The following FAT3 variants were observed in gnomAD, a reference collection of about 807,000 sequenced individuals.
FAT3 encodes FAT atypical cadherin 3.
Under a neutral mutation model 310.2 loss-of-function variants are expected in FAT3, and 95 were observed. That is an observed-to-expected ratio of 0.31 (90% confidence interval 0.26 to 0.36). FAT3 has a LOEUF of 0.36. FAT3 is among the 10% of genes least tolerant of loss of function. The pLI is 1.00. For missense variants in FAT3, 5,408 were observed against 5,715.6 expected (o/e 0.95, Z 1.74); for synonymous variants, 2,314 against 2,192.9 (o/e 1.06, Z -1.54).
At chr11:92,655,509 ACT>A (rs555683126) in intron 3 of FAT3, among the ~76,000 whole-genome samples, 158 of 152,174 alleles carry the variant, frequency 1.0e-3, no homozygotes, top group African/African-American at 3.5e-3. Flanking sequence ...ATTACATAAA[ACT>A]CTCAGTAAAA....
Position 92,754,627 on chromosome 11 carries a change from C to CAAAAAAAAAAAAAAAAAAAA in FAT3, c.3670-7211_3670-7210insAAAAAAAAAAAAAAAAAAAA, listed in dbSNP as rs71064722. On this transcript the variant is annotated intron_variant, in intron 4 of 27. Coordinates refer to ENST00000525166, the MANE Select transcript of FAT3 (RefSeq NM_001367949.2). Reference sequence around the variant, plus strand: ...TGGGCGACAGAGGAAGACTCTGCCTCAAAAAAAAAAAAAAAAAAGGAGATA... The same window carrying CAAAAAAAAAAAAAAAAAAAA: ...TGGGCGACAGAGGAAGACTCTGCCTCAAAAAAAAAAAAAAAAAAAAAAAAAAAAAAAAAAAAAAGGAGATA... 4.9e-3 allele frequency among the ~76,000 whole-genome samples: 159 copies of CAAAAAAAAAAAAAAAAAAAA among 32,670 alleles called. 26 individuals are homozygous for CAAAAAAAAAAAAAAAAAAAA. Among genetic ancestry groups the CAAAAAAAAAAAAAAAAAAAA allele is most frequent in the Middle Eastern group, 0.023 (1 of 44 alleles). 21.4% of individuals were successfully genotyped at this position (32,670 alleles called of 152,430 possible). A position where few individuals can be genotyped will look rare whatever the true frequency, so the allele number is the denominator to read the frequency against.
chr11:92,490,779 C>T (rs1483657304), intron 2 of FAT3, among the ~76,000 whole-genome samples: 2 of 152,086 alleles, frequency 1.3e-5, no homozygotes, highest in Non-Finnish European at 1.5e-5. Flanking sequence ...AACATTTTCT[C>T]ACACATTAGC....
At chr11:92,389,926 A>G (rs1409114016) in intron 2 of FAT3, among the ~76,000 whole-genome samples, 1 of 152,120 alleles carries the variant, frequency 6.6e-6, no homozygotes, top group Non-Finnish European at 1.5e-5. Context: ...TCTTCACATT[A>G]CCTTGTGGAA....
At chr11:92,248,961 A>T (rs1201344601) in intron 1 of FAT3, among the ~76,000 whole-genome samples, 1 of 152,128 alleles carries the variant, frequency 6.6e-6, no homozygotes, top group Non-Finnish European at 1.5e-5. Flanking sequence ...GAGAAAGTGA[A>T]TGGATTACCT....
chr11:92,291,080 T>TACACACACACACACACACACACACACAC (rs141883138), intron 1 of FAT3, among the ~76,000 whole-genome samples: 2 of 142,796 alleles, frequency 1.4e-5, no homozygotes, highest in Non-Finnish European at 3.0e-5. Flanking sequence ...CTTTTTATTC[T>TACACACACACACACACACACACACACAC]ACACACACAC....
At chr11:92,465,801 A>G (rs1951744682) in intron 2 of FAT3, among the ~76,000 whole-genome samples, 2 of 152,130 alleles carry the variant, frequency 1.3e-5, no homozygotes, top group African/African-American at 4.8e-5. Context: ...AACATGGCAC[A>G]TGTATACATA....
intron 2 of FAT3, chr11:92,366,599 A>G: frequency 1.9e-6 from 1 of 527,098 alleles, no homozygotes; most frequent in Non-Finnish European, 3.9e-6. Flanking sequence ...TGTCCAATTC[A>G]TAGACAATGG....
intron 2 of FAT3, among the ~76,000 whole-genome samples, chr11:92,356,954 A>C (rs867317319): frequency 1.3e-5 from 2 of 152,240 alleles, no homozygotes; most frequent in African/African-American, 4.8e-5. Flanking sequence ...AATTATGGCC[A>C]GTGTAAATTA....
chr11:92,433,809 G>A lies in FAT3; in HGVS notation c.3292+78405G>A, dbSNP rs182884966. On this transcript the variant is annotated intron_variant, in intron 2 of 27. Coordinates refer to ENST00000525166, the MANE Select transcript of FAT3 (RefSeq NM_001367949.2). ...GTGGATCATGAGGTCAGGAGATTGA[G>A]ACCATTCTGGTTAACATGGTGAAAC... Among the ~76,000 whole-genome samples, 3 of 151,872 alleles carry A rather than the reference G, an allele frequency of 2.0e-5. No individual in the cohort carries two copies. The East Asian group carries it at 5.8e-4, about 30-fold the overall frequency.
At chr11:92,595,613 A>G (rs1369553614) in intron 3 of FAT3, among the ~76,000 whole-genome samples, 4 of 152,222 alleles carry the variant, frequency 2.6e-5, no homozygotes, top group African/African-American at 9.6e-5. Flanking sequence ...TAACTCACAT[A>G]ATGAAGTAAT....
chr11:92,262,308 A>C (rs1865591335), intron 1 of FAT3, among the ~76,000 whole-genome samples: 1 of 152,090 alleles, frequency 6.6e-6, no homozygotes, highest in South Asian at 2.1e-4. Flanking sequence ...GTTTTCCTGT[A>C]AGTAGTGTCT....
At chr11:92,655,354 A>G (rs1387136358) in intron 3 of FAT3, among the ~76,000 whole-genome samples, 1 of 152,264 alleles carries the variant, frequency 6.6e-6, no homozygotes, top group Non-Finnish European at 1.5e-5. Flanking sequence ...TGTGAGGACA[A>G]TAAATATTGA....
At chr11:92,773,870 C>T (rs1946524097) in intron 6 of FAT3, among the ~76,000 whole-genome samples, 171 bp from the exon 7 acceptor site, 1 of 152,018 alleles carries the variant, frequency 6.6e-6, no homozygotes, top group East Asian at 1.9e-4. Context: ...GTGTTTTGAA[C>T]TATGAATCAA....
At position 92,827,613 on chromosome 11, in the gene FAT3, C is replaced by A. The variant is rs573548158; in HGVS notation, c.9482-4009C>A. The stretch of plus-strand genomic sequence containing the variant: ...CTGACTTTTATGTACAGTCCCACGT[C>A]CAAAAAGTCCAACTTTCCATTTGGC... On this transcript the variant is annotated intron_variant, in intron 13 of 27. Transcript: ENST00000525166. Among the ~76,000 whole-genome samples the A allele has an allele frequency of 1.2e-4, 19 of 152,262 alleles. No homozygotes were observed. The South Asian group carries it at 3.7e-3, about 30-fold the overall frequency.
At chr11:92,625,864 T>C (rs939769051) in intron 3 of FAT3, among the ~76,000 whole-genome samples, 10 of 152,186 alleles carry the variant, frequency 6.6e-5, no homozygotes, top group African/African-American at 2.4e-4. Flanking sequence ...AAGGCAAAGA[T>C]GAATTGTGAC....
rs760488625 is a variant in FAT3, at chr11:92,800,698, A to G, written c.7685A>G (p.Asn2562Ser). ...ACCACAGAAAGGCTAGACCGGGAAA[A>G]CCCTCTAGAAGGGGATGTTAGTATT... Reference protein sequence around the residue: ...VITTERLDRENPLEGDVSIFV... With the variant: ...VITTERLDRESPLEGDVSIFV... The change falls in exon 10 of 28, where the codon AAC (asparagine) becomes AGC (serine). Residue 2562 changes from asparagine to serine, a missense_variant. Asn to Ser is a conservative substitution (Grantham distance 46). Coordinates refer to ENST00000525166, the MANE Select transcript of FAT3 (RefSeq NM_001367949.2). 6.2e-7 allele frequency: 1 copy of G among 1,613,722 alleles called. No individual in the cohort carries two copies. The highest frequency in any genetic ancestry group is 1.1e-5 in the South Asian group (1 of 91,040).
chr11:92,622,836 C>G (rs1011106932), intron 3 of FAT3, among the ~76,000 whole-genome samples: 9 of 152,108 alleles, frequency 5.9e-5, no homozygotes, highest in African/African-American at 1.4e-4. Flanking sequence ...GCTCTTCTTC[C>G]CTGAGACTCC....
chr11:92,399,737 G>A (rs887543067), intron 2 of FAT3, among the ~76,000 whole-genome samples: 5 of 152,200 alleles, frequency 3.3e-5, no homozygotes, highest in African/African-American at 1.2e-4. Context: ...TTAAGTGGCA[G>A]TGGATTAAGG....
chr11:92,752,366 G>A (rs553740030), intron 4 of FAT3, among the ~76,000 whole-genome samples: 1 of 152,350 alleles, frequency 6.6e-6, no homozygotes, highest in African/African-American at 2.4e-5. Context: ...TAAGAATAGT[G>A]TGACCTTTAA....
Sources: allele counts gnomAD v4.1 joint callset (sites outside exome capture counted in the v4.1 genomes callset), GRCh38; gene constraint gnomAD v4.1.1; transcripts MANE v1.5; gene names NCBI Gene and HGNC (gene_info 2026-07-23, HGNC 2026-07-21).